BBOF1: variants seen among roughly 807,000 people sequenced by gnomAD.
BBOF1 encodes basal body-orientation factor 1.
In BBOF1, 62 loss-of-function variants were observed where a neutral mutation model predicts 68.0. The observed-to-expected ratio is 0.91, with a 90% CI of 0.74 to 1.13. The LOEUF is 1.13. BBOF1 is among the 50% of genes most tolerant of loss of function. BBOF1 has a pLI of 0.00. For missense variants in BBOF1, 534 were observed against 600.1 expected, an observed-to-expected ratio of 0.89 and a Z score of 1.15; for synonymous variants, 208 against 198.8, an observed-to-expected ratio of 1.05 and a Z score of -0.39.
rs184376464 is a variant in BBOF1 at position 74,057,613 on chromosome 14, A to G, written c.1578+355A>G. On this transcript the variant is annotated intron_variant, in intron 11 of 11. Coordinates refer to ENST00000394009, the MANE Select transcript of BBOF1 (RefSeq NM_025057.3). ...TGGGAAGTCAGAGTCATTACAACCT[A>G]GAGGACAAAGGCTTATAAGGAGATA... is the stretch of plus-strand genomic sequence containing the variant. 215 of 1,338,636 alleles carry G rather than the reference A, an allele frequency of 1.6e-4. 1 individual carries two copies. In the East Asian group the frequency reaches 6.9e-3, roughly 43 times the overall value. The allele number at this position is 1,338,636 out of a possible 1,614,324, so 82.9% of individuals were successfully genotyped here.
chr14:74,034,184 C>T lies in BBOF1; in HGVS notation c.495+13C>T. On this transcript the variant is annotated intron_variant, in intron 4 of 11. Transcript: ENST00000394009. ...AGAGTTAGATGATGTAAGTTTCATT[C>T]CTTTTTTACAAAAAGGAAATTAGAA... is the stretch of plus-strand genomic sequence containing the variant. The T allele has an allele frequency of 6.7e-6, 10 of 1,502,264 alleles. No homozygotes were observed. Among genetic ancestry groups the T allele is most frequent in the Non-Finnish European group, 8.9e-6 (10 of 1,123,952 alleles). The allele number at this position is 1,502,264 out of a possible 1,614,324, so 93.1% of individuals were successfully genotyped here. A position where few individuals can be genotyped will look rare whatever the true frequency, so the allele number is the denominator to read the frequency against.
intron 1 of BBOF1, 36 bp from the exon 2 acceptor site, chr14:74,022,880 A>G (rs2059334657): frequency 8.6e-7 from 1 of 1,160,496 alleles, no homozygotes; most frequent in Non-Finnish European, 1.2e-6. Context: ...AGTTGTATAA[A>G]TAGTCATATA....
At chr14:74,078,640 G>C (rs887670207) in intron 10 of BBOF1, among the ~76,000 whole-genome samples, 1 of 152,152 alleles carries the variant, frequency 6.6e-6, no homozygotes. Flanking sequence ...TGATTCTCCT[G>C]CCTCAGCTTT....
downstream of BBOF1, chr14:74,066,593 A>G: frequency 9.0e-7 from 1 of 1,113,762 alleles, no homozygotes; most frequent in South Asian, 1.3e-5. Context: ...CAATCCTGGC[A>G]AGAGATAAGG....
chr14:74,069,840 C>T (rs10149424), downstream of BBOF1, among the ~76,000 whole-genome samples: 2,621 of 147,840 alleles, frequency 0.018, 53 homozygotes, highest in African/African-American at 0.048. Flanking sequence ...ATTTCTACTT[C>T]TAATCTAACC....
chr14:74,066,971 T>G, downstream of BBOF1: 1 of 1,342,244 alleles, frequency 7.5e-7, no homozygotes, highest in Non-Finnish European at 1.1e-6. Flanking sequence ...ATCCCAAAGC[T>G]TTAGGAGGCC....
chr14:74,032,388 A>G (rs2059592274), intron 3 of BBOF1, among the ~76,000 whole-genome samples: 1 of 151,634 alleles, frequency 6.6e-6, no homozygotes, highest in African/African-American at 2.4e-5. Flanking sequence ...TGGCCTCCCA[A>G]AGTGCTGGGA....
chr14:74,042,805 CCTT>C (rs911497789), intron 5 of BBOF1, among the ~76,000 whole-genome samples: 1 of 151,604 alleles, frequency 6.6e-6, no homozygotes, highest in Non-Finnish European at 1.5e-5. Context: ...AAGACCCTGT[CCTT>C]CTCTCTCTCT....
At chr14:74,021,926 A>C (rs1055275181) in intron 1 of BBOF1, among the ~76,000 whole-genome samples, 6 of 151,950 alleles carry the variant, frequency 3.9e-5, no homozygotes, top group African/African-American at 1.2e-4. Context: ...AAAAAAAAAA[A>C]CACACTCAAA....
In BBOF1 at chr14:74,031,499, T is replaced by A. The variant is rs147723378; in HGVS notation, c.351+2250T>A. Among the ~76,000 whole-genome samples the A allele has an allele frequency of 1.6e-4, 25 of 152,276 alleles. No individual in the cohort carries two copies. In the East Asian group the frequency reaches 4.8e-3, roughly 29 times the overall value. On this transcript the variant is annotated intron_variant, in intron 3 of 11. Transcript: ENST00000394009. ...GTCCCTGTCTTAGTTCAGGCTATTA[T>A]GACAGAATACCATAGACTGAGGTGC... is the stretch of plus-strand genomic sequence containing the variant.
At chr14:74,072,651 GA>G in intron 9 of BBOF1, 1 of 1,599,926 alleles carries the variant, frequency 6.3e-7, no homozygotes, top group Non-Finnish European at 8.5e-7. Flanking sequence ...ACAAAAACAT[GA>G]AACTTTGTAT....
chr14:74,027,156 G>T (rs1455594724), intron 2 of BBOF1, among the ~76,000 whole-genome samples: 1 of 122,420 alleles, frequency 8.2e-6, no homozygotes, highest in Non-Finnish European at 1.6e-5. Context: ...GTGCGATCTT[G>T]GCTCACTGCA....
chr14:74,057,017 C>G (rs1337718827), intron 10 of BBOF1, 37 bp downstream of exon 10: 2 of 1,589,912 alleles, frequency 1.3e-6, no homozygotes, highest in African/African-American at 2.7e-5. Context: ...AACATGAGCC[C>G]AACACGATGG....
intron 5 of BBOF1, among the ~76,000 whole-genome samples, chr14:74,041,997 A>G (rs997862783): frequency 1.3e-5 from 2 of 152,124 alleles, no homozygotes; most frequent in East Asian, 3.9e-4. Flanking sequence ...AGACTGCTCC[A>G]CTGCCCTCCA....
intron 8 of BBOF1, among the ~76,000 whole-genome samples, chr14:74,052,751 C>A (rs1028774150): frequency 6.6e-6 from 1 of 151,936 alleles, no homozygotes; most frequent in African/African-American, 2.4e-5. Flanking sequence ...AATTCCAGCA[C>A]TTTGGGAGGC....
intron 3 of BBOF1, among the ~76,000 whole-genome samples, chr14:74,031,043 C>CT (rs2059556258): frequency 1.3e-5 from 2 of 151,174 alleles, no homozygotes; most frequent in Admixed American, 1.3e-4. Context: ...CCTGCACCTG[C>CT]TTTTTTTATT....
At chr14:74,022,875 T>C in intron 1 of BBOF1, 41 bp from the exon 2 acceptor site, 1 of 1,115,898 alleles carries the variant, frequency 9.0e-7, no homozygotes, top group East Asian at 2.5e-5. Flanking sequence ...ATTAGAGTTG[T>C]ATAAATAGTC....
At chr14:74,077,237 C>T (rs766244607) in intron 9 of BBOF1, among the ~76,000 whole-genome samples, 19 of 152,088 alleles carry the variant, frequency 1.2e-4, no homozygotes, top group Non-Finnish European at 2.4e-4. Context: ...AAATAGAAGC[C>T]CATTCCTGTC....
intron 11 of BBOF1, chr14:74,059,602 GGA>G (rs1382762878): frequency 4.0e-6 from 1 of 252,834 alleles, no homozygotes; most frequent in African/African-American, 2.3e-5. Flanking sequence ...GGCTGAGGCA[GGA>G]GAATCGCTTG....
Sources: gnomAD v4.1 joint callset for allele counts (sites outside exome capture counted in the v4.1 genomes callset) on GRCh38, gnomAD v4.1.1 for gene constraint, MANE v1.5 for transcripts, NCBI Gene and HGNC (gene_info 2026-07-23, HGNC 2026-07-21) for gene names.